The following DRP2 variants were observed in gnomAD, a reference collection of about 807,000 sequenced individuals.
DRP2 encodes the protein dystrophin-related protein 2.
DRP2 carries 29 observed loss-of-function variants against 78.2 expected under a neutral mutation model. That is an observed-to-expected ratio of 0.37 (90% CI 0.28 to 0.51). The LOEUF is 0.51. Among genes scored for constraint, DRP2 ranks in the 20% least tolerant of loss-of-function variants. The probability of loss-of-function intolerance (pLI) is 0.94; values close to 1 mark genes in which losing one functional copy is unlikely to be tolerated. For synonymous variants in DRP2, 290 were observed against 281.9 expected (o/e 1.03, Z -0.29); for missense variants, 686 against 770.6 (o/e 0.89, Z 1.30).
intron 2 of DRP2, among the ~76,000 whole-genome samples, chrX:101,227,575 G>T (rs772289312): frequency 1.8e-5 from 2 of 111,686 alleles, no homozygotes; most frequent in African/African-American, 3.3e-5. Context: ...GATCATGAAA[G>T]ACAGCACAGC....
At position 101,223,117 on chromosome X, in the gene DRP2, A is replaced by G. The variant is rs751491558; in HGVS notation, c.-166-1487A>G. Reference sequence around the variant, plus strand: ...CTGCAGTCTCGAGCTCCTGGGCTGGAGCAATCCTCCAGCCTCACCACCCCC... The same window carrying G: ...CTGCAGTCTCGAGCTCCTGGGCTGGGGCAATCCTCCAGCCTCACCACCCCC... On this transcript the variant is annotated intron_variant, in intron 1 of 23. Coordinates refer to ENST00000395209, the MANE Select transcript of DRP2 (RefSeq NM_001939.3). Among the ~76,000 whole-genome samples the G allele has an allele frequency of 2.9e-3, 316 of 110,562 alleles. 2 individuals carry two copies. The highest frequency in any genetic ancestry group is 9.9e-3 in the African/African-American group (299 of 30,335).
chrX:101,232,862 C>T (rs753008039), intron 3 of DRP2, among the ~76,000 whole-genome samples: 9 of 112,224 alleles, frequency 8.0e-5, no homozygotes, highest in Non-Finnish European at 1.1e-4. Context: ...CAAACACCAC[C>T]ATGTAGGCAG....
intron 2 of DRP2, among the ~76,000 whole-genome samples, chrX:101,227,063 T>C (rs1368460289): frequency 9.0e-6 from 1 of 110,991 alleles, no homozygotes; most frequent in East Asian, 2.9e-4. Flanking sequence ...CAGATATCTC[T>C]TCCTCTTTTT....
rs373317724 is a variant in DRP2, at chrX:101,242,342, C to A, written c.846C>A (p.Phe282Leu). Reference protein sequence around the residue: ...IQAIKLFKEEFSPMKDGVKLV... With the variant: ...IQAIKLFKEELSPMKDGVKLV... ...TTCTCCAGCTGTTCAAAGAAGAATT[C>A]TCCCCCATGAAAGATGGAGTAAAGT... Residue 282 changes from phenylalanine to leucine, a missense_variant, in exon 8 of 24, where the codon TTC (phenylalanine) becomes TTA (leucine). Transcript: ENST00000395209. 3.6e-5 allele frequency: 43 copies of A among 1,209,407 alleles called. No individual in the cohort carries two copies. The African/African-American group carries it at 6.8e-4, about 19-fold the overall frequency.
intron 14 of DRP2, 52 bp downstream of exon 14, chrX:101,248,651 G>T (rs1212260032): frequency 3.7e-6 from 4 of 1,068,169 alleles, no homozygotes; most frequent in Non-Finnish European, 5.2e-6. Flanking sequence ...GAAAGGTGTT[G>T]CAGGGAGGAG....
intron 2 of DRP2, among the ~76,000 whole-genome samples, chrX:101,226,824 C>T (rs2147329054): frequency 8.9e-6 from 1 of 111,874 alleles, no homozygotes; most frequent in African/African-American, 3.2e-5. Context: ...CCTCTTATAC[C>T]ATAATTTCTG....
intron 1 of DRP2, among the ~76,000 whole-genome samples, chrX:101,222,057 G>GGTGT (rs748275062): frequency 9.1e-6 from 1 of 110,176 alleles, no homozygotes; most frequent in East Asian, 2.9e-4. Flanking sequence ...AAGTGTTGGG[G>GGTGT]GTGTGTGTGT....
rs763364368 is a variant in DRP2, at chrX:101,260,159, C to T, written c.2739C>T (p.Thr913=). The T allele has an allele frequency of 9.9e-6, 12 of 1,209,379 alleles. No homozygotes were observed. In the East Asian group the frequency reaches 1.2e-4, roughly 12 times the overall value. ...AGAAGGGACAGACTACTCCAGATAC[C>T]GAGGCTGCAGGTGAGTTCCCCTGGC... ...PREKGQTTPD[T]EAADDVGSKS... The change falls in exon 23 of 24, where the codon ACC becomes ACT. Residue 913 remains threonine (T), a synonymous_variant. Transcript: ENST00000395209.
intron 2 of DRP2, among the ~76,000 whole-genome samples, chrX:101,229,035 A>G (rs895311593): frequency 6.2e-5 from 7 of 112,488 alleles, no homozygotes; most frequent in African/African-American, 2.3e-4. Context: ...AAGTGTATGT[A>G]TATATTTTTC....
chrX:101,238,338 G>A (rs1485877176), intron 5 of DRP2, among the ~76,000 whole-genome samples: 1 of 111,502 alleles, frequency 9.0e-6, no homozygotes, highest in Non-Finnish European at 1.9e-5. Flanking sequence ...CACAGCATGG[G>A]TGAATCTTAC....
chrX:101,224,186 T>TTTTG (rs201610218), intron 1 of DRP2, among the ~76,000 whole-genome samples: 3,771 of 70,038 alleles, frequency 0.054, 199 homozygotes, highest in African/African-American at 0.1. Context: ...TGCTGGGTTT[T>TTTTG]TTTTGTTTTT....
chrX:101,259,552 G>A (rs1923468955), intron 22 of DRP2, among the ~76,000 whole-genome samples: 1 of 111,946 alleles, frequency 8.9e-6, no homozygotes, highest in Non-Finnish European at 1.9e-5. Context: ...AGGCTGGAGT[G>A]TAATGGCTCG....
intron 2 of DRP2, among the ~76,000 whole-genome samples, chrX:101,227,549 AC>A (rs1393410589): frequency 9.0e-6 from 1 of 111,716 alleles, no homozygotes; most frequent in Non-Finnish European, 1.9e-5. Flanking sequence ...GGACAACTTT[AC>A]TAGGTTGTAC....
intron 17 of DRP2, 99 bp downstream of exon 17, chrX:101,252,815 C>A: frequency 1.6e-6 from 1 of 618,402 alleles, no homozygotes; most frequent in Admixed American, 3.4e-5. Context: ...TCTGCTCTCC[C>A]GTGGGGAGCA....
At chrX:101,236,488 G>C (rs771042819) in intron 4 of DRP2, among the ~76,000 whole-genome samples, 1 of 111,428 alleles carries the variant, frequency 9.0e-6, no homozygotes, top group Non-Finnish European at 1.9e-5. Flanking sequence ...ATCCTTTTAC[G>C]TTCTATCCAT....
intron 6 of DRP2, 146 bp downstream of exon 6, chrX:101,239,247 G>C: frequency 1.3e-6 from 1 of 797,560 alleles, no homozygotes; most frequent in Non-Finnish European, 1.7e-6. Flanking sequence ...AAAGTTGGGG[G>C]GAAGCAAGAT....
rs764695818 is a variant in DRP2, at chrX:101,251,096, A to G, written c.1865+13A>G. On this transcript the variant is annotated intron_variant, in intron 16 of 23. Coordinates refer to ENST00000395209, the MANE Select transcript of DRP2 (RefSeq NM_001939.3). ...TCAAGGGGTTCAGGTAGGGAAAACA[A>G]TACCTGCTGGGATGATAATAATAAA... 50 of 1,188,139 alleles carry G rather than the reference A, an allele frequency of 4.2e-5. No individual in the cohort carries two copies. Among genetic ancestry groups the G allele is most frequent in the African/African-American group, 1.8e-5 (1 of 56,679 alleles).
At chrX:101,221,124 C>A (rs1460943171) in intron 1 of DRP2, among the ~76,000 whole-genome samples, 2 of 112,184 alleles carry the variant, frequency 1.8e-5, no homozygotes, top group Non-Finnish European at 3.8e-5. Context: ...TAGAGGAGAA[C>A]GTCAGCAGCA....
intron 11 of DRP2, among the ~76,000 whole-genome samples, chrX:101,246,268 G>A (rs774194296): frequency 8.9e-6 from 1 of 112,216 alleles, no homozygotes; most frequent in East Asian, 2.8e-4. Context: ...TCTTACAGAT[G>A]TGAAGTCTGA....
Sources: allele counts gnomAD v4.1 joint callset (sites outside exome capture counted in the v4.1 genomes callset), GRCh38; gene constraint gnomAD v4.1.1; transcripts MANE v1.5; gene names NCBI Gene and HGNC (gene_info 2026-07-23, HGNC 2026-07-21).